CNTNAP3B: variants seen among roughly 807,000 people sequenced by gnomAD.
The protein encoded by CNTNAP3B is contactin associated protein family member 3B, also known as contactin-associated protein-like 3B.
CNTNAP3B carries 25 observed loss-of-function variants against 108.9 expected under a neutral mutation model. The ratio of observed to expected loss-of-function variants is 0.23; its 90% CI spans 0.17 to 0.32. CNTNAP3B has a LOEUF of 0.32. Ranked by LOEUF, CNTNAP3B falls within the 10% of genes least tolerant of loss-of-function variation. The pLI is 1.00. For missense variants in CNTNAP3B, 252 were observed against 1,210.4 expected, an observed-to-expected ratio of 0.21 and a Z score of 11.75; for synonymous variants, 103 against 473.4, an observed-to-expected ratio of 0.22 and a Z score of 10.16.
intron 3 of CNTNAP3B, among the ~76,000 whole-genome samples, chr9:42,036,067 C>A (rs1826621645): frequency 6.7e-6 from 1 of 149,436 alleles, no homozygotes. Context: ...AAGATCGCAC[C>A]ACTGCACTCC....
At chr9:41,927,892 GA>G (rs977915960) in intron 15 of CNTNAP3B, among the ~76,000 whole-genome samples, 1 of 135,930 alleles carries the variant, frequency 7.4e-6, no homozygotes, top group Admixed American at 7.6e-5. Flanking sequence ...GGAAGAAACA[GA>G]AAAAATGTAT....
chr9:42,044,587 G>A (rs1826829861), intron 3 of CNTNAP3B, among the ~76,000 whole-genome samples: 2 of 127,084 alleles, frequency 1.6e-5, no homozygotes, highest in South Asian at 2.4e-4. Flanking sequence ...CACAGGCTGG[G>A]GCCCAGAGAG....
chr9:42,033,309 G>A (rs1282102262), intron 3 of CNTNAP3B, among the ~76,000 whole-genome samples: 4 of 150,226 alleles, frequency 2.7e-5, no homozygotes, highest in African/African-American at 5.0e-5. Flanking sequence ...TAAACTAGAA[G>A]CAAATAAATA....
intron 16 of CNTNAP3B, among the ~76,000 whole-genome samples, chr9:41,923,694 T>G (rs1823729685): frequency 6.6e-6 from 1 of 152,292 alleles, no homozygotes; most frequent in East Asian, 1.9e-4. Flanking sequence ...CCCAGGAGGC[T>G]GAGGTTGCAG....
chr9:41,997,187 G>T (rs917385806), intron 6 of CNTNAP3B, among the ~76,000 whole-genome samples: 3 of 148,020 alleles, frequency 2.0e-5, no homozygotes, highest in African/African-American at 7.6e-5. Context: ...ATGCTATGTT[G>T]GTTAGGATTG....
At chr9:42,012,655 T>A (rs2118415936) in intron 4 of CNTNAP3B, among the ~76,000 whole-genome samples, 1 of 130,094 alleles carries the variant, frequency 7.7e-6, no homozygotes, top group South Asian at 2.6e-4. Flanking sequence ...TCCAGTTTTA[T>A]ACAGGAGTAT....
At chr9:41,931,663 G>A (rs1296891615) in intron 14 of CNTNAP3B, among the ~76,000 whole-genome samples, 1 of 150,376 alleles carries the variant, frequency 6.6e-6, no homozygotes, top group African/African-American at 2.5e-5. Context: ...TTATCTAAAG[G>A]CATCACCATT....
At chr9:42,112,873 T>G (rs1409738797) in intron 1 of CNTNAP3B, among the ~76,000 whole-genome samples, 2 of 126,786 alleles carry the variant, frequency 1.6e-5, no homozygotes, top group Admixed American at 1.6e-4. Context: ...ACAGAGTTTT[T>G]TTTTTTTTTT....
At chr9:42,036,404 A>C (rs544766560) in intron 3 of CNTNAP3B, among the ~76,000 whole-genome samples, 1 of 139,742 alleles carries the variant, frequency 7.2e-6, no homozygotes, top group Admixed American at 7.1e-5. Flanking sequence ...TTCTTTTTTC[A>C]CTTAAATGAT....
In CNTNAP3B at chr9:42,089,739, T is replaced by C. The variant is rs536705708; in HGVS notation, c.197-12677A>G. On this transcript the variant is annotated intron_variant, in intron 2 of 23. Coordinates refer to ENST00000377561, the MANE Select transcript of CNTNAP3B (RefSeq NM_001201380.3). Reference sequence around the variant, plus strand: ...AGGACATCTGAATAGTGGAGAAATATGAGGAGTGGAGGGAAAAGATCCAAT... The same window carrying C: ...AGGACATCTGAATAGTGGAGAAATACGAGGAGTGGAGGGAAAAGATCCAAT... 3.7e-3 allele frequency among the ~76,000 whole-genome samples: 530 copies of C among 145,080 alleles called. 3 individuals carry two copies. Among genetic ancestry groups the C allele is most frequent in the African/African-American group, 0.014 (505 of 36,858 alleles).
chr9:42,103,100 T>G (rs1333645385), intron 2 of CNTNAP3B, among the ~76,000 whole-genome samples: 1 of 124,528 alleles, frequency 8.0e-6, no homozygotes, highest in Non-Finnish European at 1.6e-5. Context: ...TGATTTGACA[T>G]CAAGAAGAGC....
At chr9:41,943,809 T>C (rs1423376607) in intron 13 of CNTNAP3B, among the ~76,000 whole-genome samples, 1 of 152,244 alleles carries the variant, frequency 6.6e-6, no homozygotes, top group African/African-American at 2.4e-5. Context: ...GGTTCAGGAA[T>C]CTCAGCAATC....
At chr9:41,929,554 T>C in intron 14 of CNTNAP3B, 110 bp from the exon 15 acceptor site, 1 of 1,371,364 alleles carries the variant, frequency 7.3e-7, no homozygotes, top group Non-Finnish European at 9.8e-7. Flanking sequence ...CTTAACAGAA[T>C]ACTTAACATT....
chr9:41,964,134 A>C (rs1199646293), intron 11 of CNTNAP3B, among the ~76,000 whole-genome samples: 4 of 152,304 alleles, frequency 2.6e-5, no homozygotes, highest in Admixed American at 2.6e-4. Flanking sequence ...TAAATGTAAC[A>C]TTGACAGCCT....
chr9:41,942,726 A>C (rs1323058300), intron 13 of CNTNAP3B, among the ~76,000 whole-genome samples: 1 of 152,258 alleles, frequency 6.6e-6, no homozygotes, highest in African/African-American at 2.4e-5. Context: ...CAGGAGATTA[A>C]AAATGAAAGA....
At chr9:41,968,346 A>C (rs1587160503) in intron 10 of CNTNAP3B, among the ~76,000 whole-genome samples, 1 of 141,028 alleles carries the variant, frequency 7.1e-6, no homozygotes, top group East Asian at 2.0e-4. Context: ...TAGCTGAGCA[A>C]CTTGGGATTA....
At chr9:41,929,995 A>G (rs1823930203) in intron 14 of CNTNAP3B, among the ~76,000 whole-genome samples, 1 of 152,242 alleles carries the variant, frequency 6.6e-6, no homozygotes, top group Non-Finnish European at 1.5e-5. Flanking sequence ...TTGTCTTAGA[A>G]TAATATCTAA....
In CNTNAP3B at chr9:42,127,813, C is replaced by T. The variant is rs201003854; in HGVS notation, c.85+1197G>A. Among the ~76,000 whole-genome samples, 29 of 139,256 alleles carry T rather than the reference C, an allele frequency of 2.1e-4. 3 individuals are homozygous for T. In the East Asian group the frequency reaches 3.3e-3, roughly 16 times the overall value. 91.4% of individuals were successfully genotyped at this position (139,256 alleles called of 152,430 possible). On this transcript the variant is annotated intron_variant, in intron 1 of 23. Transcript: ENST00000377561. ...CACAGTGAGTGCATGAACCCATGTG[C>T]GTGCCCTGTGTGTGAAGAAACAACC...
At chr9:42,127,494 G>T (rs1828597609) in intron 1 of CNTNAP3B, among the ~76,000 whole-genome samples, 1 of 139,556 alleles carries the variant, frequency 7.2e-6, no homozygotes, top group Non-Finnish European at 1.5e-5. Context: ...TAGTAAGAGT[G>T]ACCTCTAGTG....
Sources: gnomAD v4.1 joint callset for allele counts (sites outside exome capture counted in the v4.1 genomes callset) on GRCh38, gnomAD v4.1.1 for gene constraint, MANE v1.5 for transcripts, NCBI Gene and HGNC (gene_info 2026-07-23, HGNC 2026-07-21) for gene names.